SPIRE1: variants seen among roughly 807,000 people sequenced by gnomAD.
SPIRE1 encodes the protein spire type actin nucleation factor 1, also known as protein spire homolog 1.
A neutral mutation model predicts 94.1 loss-of-function variants in SPIRE1; 40 were observed. The observed-to-expected ratio is 0.43, with a 90% confidence interval of 0.33 to 0.55. The LOEUF is 0.55. Ranked by LOEUF, SPIRE1 falls within the 20% of genes least tolerant of loss-of-function variation. The probability of loss-of-function intolerance (pLI) is 0.06; values close to 1 mark genes in which losing one functional copy is unlikely to be tolerated. For missense variants in SPIRE1, 838 were observed against 975.2 expected, an observed-to-expected ratio of 0.86 and a Z score of 1.87; for synonymous variants, 376 against 371.7, an observed-to-expected ratio of 1.01 and a Z score of -0.13.
intron 3 of SPIRE1, among the ~76,000 whole-genome samples, chr18:12,537,447 G>A (rs1246793326): frequency 1.3e-5 from 2 of 152,144 alleles, no homozygotes; most frequent in East Asian, 3.8e-4. Context: ...ACAAACACAT[G>A]CATATGTGCC....
chr18:12,563,017 T>G (rs2035730078), intron 2 of SPIRE1, among the ~76,000 whole-genome samples: 1 of 152,198 alleles, frequency 6.6e-6, no homozygotes, highest in South Asian at 2.1e-4. Flanking sequence ...TAATTTAACA[T>G]GAAAAGATCT....
chr18:12,605,840 A>G (rs1303398366), intron 2 of SPIRE1, among the ~76,000 whole-genome samples: 1 of 151,980 alleles, frequency 6.6e-6, no homozygotes, highest in Non-Finnish European at 1.5e-5. Flanking sequence ...CTCAGATGAG[A>G]GCTTACTGTA....
chr18:12,481,735 A>T (rs1178525620), intron 9 of SPIRE1, among the ~76,000 whole-genome samples: 2 of 152,218 alleles, frequency 1.3e-5, no homozygotes, highest in Admixed American at 1.3e-4. Context: ...TGAAAGGGAC[A>T]AAAGGCAAAA....
chr18:12,476,884 T>G (rs571266230), intron 10 of SPIRE1, among the ~76,000 whole-genome samples: 30 of 152,238 alleles, frequency 2.0e-4, no homozygotes, highest in African/African-American at 6.3e-4. Flanking sequence ...CTACCACCAC[T>G]GACTTAAGAA....
chr18:12,529,230 G>A (rs1191191422), intron 4 of SPIRE1, among the ~76,000 whole-genome samples: 3 of 152,094 alleles, frequency 2.0e-5, no homozygotes, highest in African/African-American at 7.2e-5. Context: ...TTAGCCGGAC[G>A]TGGTGGCGGG....
intron 2 of SPIRE1, among the ~76,000 whole-genome samples, chr18:12,556,096 G>A (rs2035495846): frequency 6.6e-6 from 1 of 151,716 alleles, no homozygotes; most frequent in African/African-American, 2.4e-5. Flanking sequence ...AAATACCTAG[G>A]AATTAAAGTG....
chr18:12,483,235 T>C (rs1219179934), intron 9 of SPIRE1, among the ~76,000 whole-genome samples: 2 of 152,222 alleles, frequency 1.3e-5, no homozygotes, highest in East Asian at 1.9e-4. Context: ...GCTGGGATTA[T>C]AGGCGTGAGC....
chr18:12,578,696 T>A (rs979103824), intron 2 of SPIRE1, among the ~76,000 whole-genome samples: 1 of 152,198 alleles, frequency 6.6e-6, no homozygotes, highest in Non-Finnish European at 1.5e-5. Context: ...CTACCCACTA[T>A]CCGATGTGTA....
chr18:12,657,601 C>A lies in SPIRE1; in HGVS notation c.266G>T (p.Arg89Leu). The part of the protein sequence containing the change: ...RHRVRSAAQI[R>L]VWRDGAVTLA... Reference sequence around the variant, plus strand: ...GGTGACGGCGCCGTCCCTCCAGACGCGGATCTGCGCGGCCGAGCGCACACG... The same window carrying A: ...GGTGACGGCGCCGTCCCTCCAGACGAGGATCTGCGCGGCCGAGCGCACACG... The change falls in exon 1 of 17, where the codon CGC (arginine) becomes CTC (leucine). Residue 89 changes from arginine (R) to leucine (L), a missense_variant. This residue lies in a region of SPIRE1 where 193 missense variants were observed against 170.5 expected (regional missense o/e 1.13). Coordinates refer to ENST00000409402, the MANE Select transcript of SPIRE1 (RefSeq NM_001128626.2). 1 of 1,270,154 alleles carries A rather than the reference C, an allele frequency of 7.9e-7. No homozygotes were observed. Among genetic ancestry groups the A allele is most frequent in the Non-Finnish European group, 9.9e-7 (1 of 1,011,940 alleles). The allele number at this position is 1,270,154 out of a possible 1,614,324, so 78.7% of individuals were successfully genotyped here.
rs371068093 is a variant in SPIRE1, at chr18:12,453,863, C to G, written c.1776+483G>C. 5.9e-5 allele frequency among the ~76,000 whole-genome samples: 9 copies of G among 152,074 alleles called. No homozygotes were observed. The East Asian group carries it at 9.6e-4, about 16-fold the overall frequency. ...GCAGTGGCGCAATCTCAGCTCACTG[C>G]AACCTCCACCTCCTGGGTTCAAGCG... is the stretch of plus-strand genomic sequence containing the variant. On this transcript the variant is annotated intron_variant, in intron 13 of 16. Transcript: ENST00000409402.
At position 12,658,099 on chromosome 18, in the gene SPIRE1, A is replaced by G; in HGVS notation, c.-233T>C. On this transcript the variant is annotated 5_prime_UTR_variant, in exon 1 of 17. Coordinates refer to ENST00000409402, the MANE Select transcript of SPIRE1 (RefSeq NM_001128626.2). Reference sequence around the variant, plus strand: ...ACAGCCGCCGGCCGGTAGCGACGCGATGGCGTCCGGCGCCCCGCCCCGCCC... The same window carrying G: ...ACAGCCGCCGGCCGGTAGCGACGCGGTGGCGTCCGGCGCCCCGCCCCGCCC... 1.0e-6 allele frequency: 1 copy of G among 966,860 alleles called. No homozygotes were observed. Among genetic ancestry groups the G allele is most frequent in the Non-Finnish European group, 1.2e-6 (1 of 814,750 alleles). The allele number at this position is 966,860 out of a possible 1,614,324, so 59.9% of individuals were successfully genotyped here.
intron 4 of SPIRE1, among the ~76,000 whole-genome samples, chr18:12,522,744 T>C (rs1214004579): frequency 6.6e-6 from 1 of 152,192 alleles, no homozygotes; most frequent in African/African-American, 2.4e-5. Flanking sequence ...TTAACTCTAC[T>C]CTGTCTGTGC....
chr18:12,624,208 C>T (rs1275820308), intron 2 of SPIRE1, among the ~76,000 whole-genome samples: 4 of 151,258 alleles, frequency 2.6e-5, no homozygotes, highest in Non-Finnish European at 5.9e-5. Flanking sequence ...AAGCGTAAAC[C>T]ACCATGCCTG....
chr18:12,621,026 G>C (rs2037451324), intron 2 of SPIRE1, among the ~76,000 whole-genome samples: 2 of 152,170 alleles, frequency 1.3e-5, no homozygotes, highest in Admixed American at 6.5e-5. Flanking sequence ...CTGCACTCTA[G>C]CCTGGTGAGA....
In SPIRE1 at chr18:12,478,572, AAGCTAGGGTGTGTATGTATGTGTGTGTGT is replaced by A. The variant is rs1430130630; in HGVS notation, c.1404+1098_1404+1126del. Among the ~76,000 whole-genome samples, 4 of 119,776 alleles carry A rather than the reference AAGCTAGGGTGTGTATGTATGTGTGTGTGT, an allele frequency of 3.3e-5. No individual in the cohort carries two copies. In the East Asian group the frequency reaches 7.3e-4, roughly 22 times the overall value. The allele number at this position is 119,776 out of a possible 152,430, so 78.6% of individuals were successfully genotyped here. On this transcript the variant is annotated intron_variant, in intron 10 of 16. Transcript: ENST00000409402. ...TGTGTGAAGCTAGGGTGTGTGTGTG[AAGCTAGGGTGTGTATGTATGTGTGTGTGT>A]AGCTAGGGTGTGTGTGTGCGCGCGC...
intron 2 of SPIRE1, among the ~76,000 whole-genome samples, chr18:12,555,350 T>C (rs1176381882): frequency 6.6e-6 from 1 of 151,298 alleles, no homozygotes; most frequent in African/African-American, 2.4e-5. Flanking sequence ...ACCTAATTAT[T>C]AAAAAAGAAA....
At chr18:12,591,130 T>C (rs2036523212) in intron 2 of SPIRE1, among the ~76,000 whole-genome samples, 1 of 152,068 alleles carries the variant, frequency 6.6e-6, no homozygotes, top group African/African-American at 2.4e-5. Context: ...TAGTTTGCAG[T>C]TTTAAATAGC....
intron 2 of SPIRE1, among the ~76,000 whole-genome samples, chr18:12,561,176 T>C (rs113347550): frequency 3.9e-5 from 6 of 152,304 alleles, no homozygotes; most frequent in African/African-American, 1.4e-4. Flanking sequence ...AAAAATAGTT[T>C]GGCTATCTTT....
intron 2 of SPIRE1, among the ~76,000 whole-genome samples, chr18:12,598,711 C>T (rs1229647247): frequency 2.0e-5 from 3 of 152,020 alleles, no homozygotes; most frequent in African/African-American, 7.2e-5. Flanking sequence ...TGGCAATCAC[C>T]TAAAATCTCA....
Sources: allele counts gnomAD v4.1 joint callset (sites outside exome capture counted in the v4.1 genomes callset), GRCh38; gene constraint gnomAD v4.1.1; regional missense constraint gnomAD v4.1.1; transcripts MANE v1.5; gene names NCBI Gene and HGNC (gene_info 2026-07-23, HGNC 2026-07-21).